The following RPL27A variants were observed in gnomAD, a reference collection of about 807,000 sequenced individuals.
The protein encoded by RPL27A is ribosomal protein L27a, also known as large ribosomal subunit protein uL15.
For missense variants in RPL27A, 118 were observed against 189.4 expected (o/e 0.62, Z 2.21); for synonymous variants, 69 against 68.3 (o/e 1.01, Z -0.05).
chr11:8,686,432 T>C lies in RPL27A; in HGVS notation c.*626T>C, dbSNP rs577770309. 2.0e-5 allele frequency: 3 copies of C among 152,524 alleles called. No homozygotes were observed. In the East Asian group the frequency reaches 5.8e-4, roughly 29 times the overall value. The allele number at this position is 152,524 out of a possible 1,614,324, so 9.4% of individuals were successfully genotyped here. On this transcript the variant is annotated 3_prime_UTR_variant, in exon 5 of 5. Transcript: ENST00000314138. ...TTTCAGTAGAGATGGGGTTTCACCA[T>C]GTTGGCCATGCTGGTCTCTAACTCC...
At chr11:8,683,293 G>C in intron 2 of RPL27A, 28 bp downstream of exon 2, 1 of 1,606,940 alleles carries the variant, frequency 6.2e-7, no homozygotes, top group Middle Eastern at 1.7e-4. Context: ...CTCGGGGTGG[G>C]CCTTGGGCTC....
Position 8,682,827 on chromosome 11 carries a change from C to G in RPL27A, c.3+11C>G. On this transcript the variant is annotated intron_variant, in intron 1 of 4. Coordinates refer to ENST00000314138, the MANE Select transcript of RPL27A (RefSeq NM_000990.5). Reference sequence around the variant, plus strand: ...TGGGCTGCCAACATGGTAGGTGTTTCGTTTCTTGCCTCCTCTTCCTTGCCG... The same window carrying G: ...TGGGCTGCCAACATGGTAGGTGTTTGGTTTCTTGCCTCCTCTTCCTTGCCG... 4 of 1,611,458 alleles carry G rather than the reference C, an allele frequency of 2.5e-6. No individual in the cohort carries two copies. Among genetic ancestry groups the G allele is most frequent in the Non-Finnish European group, 2.5e-6 (3 of 1,178,696 alleles).
At position 8,686,777 on chromosome 11, in the gene RPL27A, G is replaced by A. The variant is rs1005917615; in HGVS notation, c.*971G>A. 1.3e-5 allele frequency: 2 copies of A among 152,078 alleles called. No individual in the cohort carries two copies. Among genetic ancestry groups the A allele is most frequent in the Non-Finnish European group, 2.9e-5 (2 of 68,012 alleles). The allele number at this position is 152,078 out of a possible 1,614,324, so 9.4% of individuals were successfully genotyped here. A position where few individuals can be genotyped will look rare whatever the true frequency, so the allele number is the denominator to read the frequency against. On this transcript the variant is annotated 3_prime_UTR_variant, in exon 5 of 5. Coordinates refer to ENST00000314138, the MANE Select transcript of RPL27A (RefSeq NM_000990.5). ...CTCTTGCTATTGGAAAACTGATGGT[G>A]ACCAATTCATGTTTACAAATAAGAT... is the stretch of plus-strand genomic sequence containing the variant.
intron 2 of RPL27A, chr11:8,683,535 T>G (rs1382038273): frequency 1.8e-6 from 1 of 558,108 alleles, no homozygotes; most frequent in Admixed American, 3.2e-5. Flanking sequence ...GAAAAGATGT[T>G]TCACCCGGAA....
chr11:8,685,057 A>G (rs2039573190), intron 4 of RPL27A, 165 bp downstream of exon 4: 1 of 700,300 alleles, frequency 1.4e-6, no homozygotes, highest in Non-Finnish European at 2.5e-6. Context: ...AGCAGTGCCT[A>G]CTGTCACTGC....
rs2039614036 is a variant in RPL27A at position 8,689,040 on chromosome 11, CG to C, written c.*3236del. The stretch of plus-strand genomic sequence containing the variant: ...CCCGCGTCCCAGACCGGAAGAAGCC[CG>C]GCGGAGACCGGCCTCGCTCGGCCAC... On this transcript the variant is annotated 3_prime_UTR_variant, in exon 5 of 5. Transcript: ENST00000314138. 6.6e-6 allele frequency: 1 copy of C among 152,292 alleles called. No individual in the cohort carries two copies. The highest frequency in any genetic ancestry group is 2.4e-5 in the African/African-American group (1 of 41,480). The allele number at this position is 152,292 out of a possible 1,614,324, so 9.4% of individuals were successfully genotyped here.
Position 8,689,330 on chromosome 11 carries a change from G to T in RPL27A, c.*3524G>T, listed in dbSNP as rs975278124. On this transcript the variant is annotated 3_prime_UTR_variant, in exon 5 of 5. Coordinates refer to ENST00000314138, the MANE Select transcript of RPL27A (RefSeq NM_000990.5). The stretch of plus-strand genomic sequence containing the variant: ...TAATGAGCGTCAGCGACATTCAAGG[G>T]CACTTTGGGCTAAAAAAGAAAGTGC... The T allele has an allele frequency of 6.6e-6, 1 of 152,236 alleles. No individual in the cohort carries two copies. The highest frequency in any genetic ancestry group is 1.5e-5 in the Non-Finnish European group (1 of 68,042). The allele number at this position is 152,236 out of a possible 1,614,324, so 9.4% of individuals were successfully genotyped here.
At position 8,689,560 on chromosome 11, in the gene RPL27A, T is replaced by C. The variant is rs1216963804; in HGVS notation, c.*3754T>C. On this transcript the variant is annotated 3_prime_UTR_variant, in exon 5 of 5. Coordinates refer to ENST00000314138, the MANE Select transcript of RPL27A (RefSeq NM_000990.5). ...AACTTGCCGTTGCTGAAAAGTAATA[T>C]TTTCTCTTTCGAGAGTTTTCATGGC... 6.6e-6 allele frequency: 1 copy of C among 151,778 alleles called. No homozygotes were observed. Among genetic ancestry groups the C allele is most frequent in the Non-Finnish European group, 1.5e-5 (1 of 67,994 alleles). 9.4% of individuals were successfully genotyped at this position (151,778 alleles called of 1,614,324 possible). A position where few individuals can be genotyped will look rare whatever the true frequency, so the allele number is the denominator to read the frequency against.
At chr11:8,683,610 A>G (rs922119100) in intron 2 of RPL27A, 8 of 496,454 alleles carry the variant, frequency 1.6e-5, no homozygotes, top group Admixed American at 3.4e-5. Flanking sequence ...AGCGGGACAC[A>G]GAAGTCTGGG....
chr11:8,683,700 T>A, intron 2 of RPL27A: 2 of 489,534 alleles, frequency 4.1e-6, no homozygotes, highest in Non-Finnish European at 7.4e-6. Flanking sequence ...TGTGTGTGTG[T>A]GAGACTGATC....
Position 8,685,794 on chromosome 11 carries a change from C to A in RPL27A, c.435C>A (p.Val145=). ...EKIKSVGGAC[V]LVA is the part of the protein sequence containing the mutation. Reference sequence around the variant, plus strand: ...TTAAGAGTGTTGGGGGGGCCTGTGTCCTGGTGGCTTGAAGCCACATGGAGG... The same window carrying A: ...TTAAGAGTGTTGGGGGGGCCTGTGTACTGGTGGCTTGAAGCCACATGGAGG... The change falls in exon 5 of 5, where the codon GTC becomes GTA. Residue 145 remains valine (V), a synonymous_variant. Coordinates refer to ENST00000314138, the MANE Select transcript of RPL27A (RefSeq NM_000990.5). 1 of 1,613,844 alleles carries A rather than the reference C, an allele frequency of 6.2e-7. No homozygotes were observed. Among genetic ancestry groups the A allele is most frequent in the South Asian group, 1.1e-5 (1 of 91,070 alleles).
At position 8,685,397 on chromosome 11, in the gene RPL27A, T is replaced by G. The variant is rs747230100; in HGVS notation, c.319-281T>G. ...GGTCAGGAAGGTGGTTGTCTTCTTT[T>G]GCTTAGCAGGGGGTATTTGAGCAGG... On this transcript the variant is annotated intron_variant, in intron 4 of 4. Coordinates refer to ENST00000314138, the MANE Select transcript of RPL27A (RefSeq NM_000990.5). 20 of 608,020 alleles carry G rather than the reference T, an allele frequency of 3.3e-5. No homozygotes were observed. The East Asian group carries it at 7.8e-4, about 24-fold the overall frequency. The allele number at this position is 608,020 out of a possible 1,614,324, so 37.7% of individuals were successfully genotyped here.
In RPL27A at chr11:8,686,865, C is replaced by CT. The variant is rs1033491271; in HGVS notation, c.*1066dup. 1.3e-5 allele frequency: 2 copies of CT among 151,956 alleles called. No homozygotes were observed. Among genetic ancestry groups the CT allele is most frequent in the African/African-American group, 4.8e-5 (2 of 41,360 alleles). The allele number at this position is 151,956 out of a possible 1,614,324, so 9.4% of individuals were successfully genotyped here. ...TTATGGTTCTTCCTGTGATTTTGAG[C>CT]TTTTTTTGACCCAAAATAATACAGT... is the stretch of plus-strand genomic sequence containing the variant. On this transcript the variant is annotated 3_prime_UTR_variant, in exon 5 of 5. Transcript: ENST00000314138.
intron 4 of RPL27A, chr11:8,685,246 G>C: frequency 2.3e-6 from 1 of 427,084 alleles, no homozygotes; most frequent in Admixed American, 3.5e-5. Flanking sequence ...CTGTCCTTGC[G>C]GGGGTTCTGG....
intron 3 of RPL27A, chr11:8,684,375 C>G (rs779788001): frequency 4.1e-6 from 3 of 723,502 alleles, no homozygotes; most frequent in Middle Eastern, 2.4e-4. Flanking sequence ...CACCTACCCA[C>G]AAACTAGTGG....
rs368363034 is a variant in RPL27A, at chr11:8,682,802, T to A, written c.-12T>A. 1 of 1,613,308 alleles carries A rather than the reference T, an allele frequency of 6.2e-7. No homozygotes were observed. Among genetic ancestry groups the A allele is most frequent in the African/African-American group, 1.3e-5 (1 of 74,872 alleles). ...TTGGCGAAGGCCTTCCTTTTTCGTC[T>A]GGGCTGCCAACATGGTAGGTGTTTC... On this transcript the variant is annotated 5_prime_UTR_variant, in exon 1 of 5. Coordinates refer to ENST00000314138, the MANE Select transcript of RPL27A (RefSeq NM_000990.5).
chr11:8,684,996 A>C, intron 4 of RPL27A, 104 bp downstream of exon 4: 1 of 1,105,230 alleles, frequency 9.0e-7, no homozygotes, highest in South Asian at 1.3e-5. Context: ...TACCTACCAG[A>C]CATTGATATT....
rs2039609457 is a variant in RPL27A at position 8,688,729 on chromosome 11, C to CA, written c.*2925dup. Reference sequence around the variant, plus strand: ...CATAATTTGCACAAGCAGTGCTCGTCAAGGGCAGCTAAATCAGGCGAGCTT... The same window carrying CA: ...CATAATTTGCACAAGCAGTGCTCGTCAAAGGGCAGCTAAATCAGGCGAGCTT... On this transcript the variant is annotated 3_prime_UTR_variant, in exon 5 of 5. Transcript: ENST00000314138. 1 of 152,246 alleles carries CA rather than the reference C, an allele frequency of 6.6e-6. No individual in the cohort carries two copies. The highest frequency in any genetic ancestry group is 6.5e-5 in the Admixed American group (1 of 15,290). The allele number at this position is 152,246 out of a possible 1,614,324, so 9.4% of individuals were successfully genotyped here. A position where few individuals can be genotyped will look rare whatever the true frequency, so the allele number is the denominator to read the frequency against.
In RPL27A at chr11:8,687,389, T is replaced by TACCCC. The variant is rs1555082942; in HGVS notation, c.*1583_*1584insACCCC. ...CTTGGGCAACAAGAGTGAAACTCTG[T>TACCCC]CCACCCCCCCCAAAAAAAGTAAGGG... On this transcript the variant is annotated 3_prime_UTR_variant, in exon 5 of 5. Coordinates refer to ENST00000314138, the MANE Select transcript of RPL27A (RefSeq NM_000990.5). 9.9e-6 allele frequency: 1 copy of TACCCC among 100,800 alleles called. No homozygotes were observed. 6.2% of individuals were successfully genotyped at this position (100,800 alleles called of 1,614,324 possible). A position where few individuals can be genotyped will look rare whatever the true frequency, so the allele number is the denominator to read the frequency against.
Sources: gnomAD v4.1 joint callset for allele counts on GRCh38, gnomAD v4.1.1 for gene constraint, MANE v1.5 for transcripts, NCBI Gene and HGNC (gene_info 2026-07-23, HGNC 2026-07-21) for gene names.